The following AMN1 variants were observed in gnomAD, a reference collection of about 807,000 sequenced individuals.
AMN1 encodes antagonist of mitotic exit network 1 homolog.
Under a neutral mutation model 33.0 loss-of-function variants are expected in AMN1, and 20 were observed. That is an observed-to-expected ratio of 0.61 (90% confidence interval 0.43 to 0.88). The LOEUF (loss-of-function observed/expected upper bound fraction) is 0.88. AMN1 is among the 40% of genes least tolerant of loss of function. AMN1 has a pLI of 0.00. For missense variants in AMN1, 246 were observed against 307.4 expected (o/e 0.80, Z 1.49); for synonymous variants, 114 against 111.9 (o/e 1.02, Z -0.12).
intron 1 of AMN1, among the ~76,000 whole-genome samples, chr12:31,712,081 C>T (rs1253629264): frequency 7.0e-6 from 1 of 142,984 alleles, no homozygotes; most frequent in Admixed American, 6.9e-5. Context: ...TCCTTCCCTA[C>T]CTCCCTCTCT....
At chr12:31,700,474 A>G (rs1208121643) in intron 3 of AMN1, among the ~76,000 whole-genome samples, 1 of 152,240 alleles carries the variant, frequency 6.6e-6, no homozygotes, top group Non-Finnish European at 1.5e-5. Context: ...GACACTGAAC[A>G]ATGCAGTTTG....
At chr12:31,728,703 G>A (rs1940181519) in intron 1 of AMN1, among the ~76,000 whole-genome samples, 1 of 152,218 alleles carries the variant, frequency 6.6e-6, no homozygotes, top group African/African-American at 2.4e-5. Flanking sequence ...CAGCCGGGGC[G>A]CCGAGCTGTC....
intron 1 of AMN1, among the ~76,000 whole-genome samples, chr12:31,717,098 C>T (rs927181966): frequency 1.3e-5 from 2 of 151,958 alleles, no homozygotes; most frequent in African/African-American, 4.8e-5. Context: ...CTGATGCTAT[C>T]CTTTCCCTTG....
rs141934566 is a variant in AMN1, at chr12:31,674,452, G to A, written c.704-2075C>T. Among the ~76,000 whole-genome samples, 77 of 150,870 alleles carry A rather than the reference G, an allele frequency of 5.1e-4. No homozygotes were observed. In the East Asian group the frequency reaches 0.011, roughly 22 times the overall value. Reference sequence around the variant, plus strand: ...CATCATTGAGCACAGTCCTTCTCAAGCTGCCATCTCTATGGTCCTCTCTCC... The same window carrying A: ...CATCATTGAGCACAGTCCTTCTCAAACTGCCATCTCTATGGTCCTCTCTCC... On this transcript the variant is annotated intron_variant, in intron 6 of 6. Transcript: ENST00000281471.
At chr12:31,677,266 C>G (rs1312491782) in intron 6 of AMN1, among the ~76,000 whole-genome samples, 1 of 152,162 alleles carries the variant, frequency 6.6e-6, no homozygotes. Context: ...CGCCACTGCA[C>G]TCCAGCCTGG....
intron 6 of AMN1, among the ~76,000 whole-genome samples, chr12:31,674,265 G>A (rs756582506): frequency 1.3e-5 from 2 of 151,996 alleles, no homozygotes; most frequent in Non-Finnish European, 1.5e-5. Context: ...AAAATTAGCC[G>A]AGCACTGTGG....
At position 31,683,111 on chromosome 12, in the gene AMN1, C is replaced by T. The variant is rs764792736; in HGVS notation, c.703+5896G>A. ...CAGAGTAGCTGGGATTACAGGCGTGCGCCACCATGCCCAGCTAATTTTTGT... is the reference window on the plus strand; with the variant it reads ...CAGAGTAGCTGGGATTACAGGCGTGTGCCACCATGCCCAGCTAATTTTTGT... On this transcript the variant is annotated intron_variant, in intron 6 of 6. Coordinates refer to ENST00000281471, the MANE Select transcript of AMN1 (RefSeq NM_001113402.2). This position sits in a 1 kb window ranked among gnomAD's most constrained non-coding sequence, Gnocchi z 4.1. Among the ~76,000 whole-genome samples, 5 of 151,996 alleles carry T rather than the reference C, an allele frequency of 3.3e-5. No individual in the cohort carries two copies. The highest frequency in any genetic ancestry group is 1.9e-4 in the East Asian group (1 of 5,190).
intron 5 of AMN1, among the ~76,000 whole-genome samples, chr12:31,690,032 A>G (rs1938435059): frequency 6.6e-6 from 1 of 152,126 alleles, no homozygotes. Context: ...TTCCTGAGTT[A>G]CTTCACTTAG....
intron 3 of AMN1, among the ~76,000 whole-genome samples, chr12:31,698,880 C>T (rs902837607): frequency 1.3e-5 from 2 of 151,996 alleles, no homozygotes; most frequent in African/African-American, 4.8e-5. Context: ...CCTGAGTGAC[C>T]GGAGTGCCTT....
intron 3 of AMN1, among the ~76,000 whole-genome samples, chr12:31,701,491 G>A (rs1031069142): frequency 6.6e-6 from 1 of 152,030 alleles, no homozygotes; most frequent in Non-Finnish European, 1.5e-5. Flanking sequence ...GATGAGGTAG[G>A]GGTCGGGGGC....
intron 6 of AMN1, among the ~76,000 whole-genome samples, chr12:31,674,746 C>T (rs1293410394): frequency 1.3e-5 from 2 of 151,948 alleles, no homozygotes; most frequent in Non-Finnish European, 2.9e-5. Flanking sequence ...TGGCTGGGTA[C>T]GGTGGCTCAT....
chr12:31,675,640 G>A (rs969074037), intron 6 of AMN1, among the ~76,000 whole-genome samples: 11 of 151,392 alleles, frequency 7.3e-5, no homozygotes, highest in East Asian at 3.9e-4. Flanking sequence ...GATTACAGGC[G>A]CCCGCAACCA....
chr12:31,697,178 G>C (rs1001763888), intron 5 of AMN1, among the ~76,000 whole-genome samples, 183 bp downstream of exon 5: 1 of 152,030 alleles, frequency 6.6e-6, no homozygotes, highest in Non-Finnish European at 1.5e-5. Context: ...TTATTTTAAA[G>C]CACCTTTATT....
chr12:31,697,836 G>T lies in AMN1; in HGVS notation c.438C>A (p.Ile146=). 1 of 1,613,950 alleles carries T rather than the reference G, an allele frequency of 6.2e-7. No individual in the cohort carries two copies. The highest frequency in any genetic ancestry group is 2.2e-5 in the East Asian group (1 of 44,870). Residue 146 remains isoleucine, a synonymous_variant, in exon 4 of 7, where the codon ATC becomes ATA. Coordinates refer to ENST00000281471, the MANE Select transcript of AMN1 (RefSeq NM_001113402.2). ...TAATACTTAAGCAGCCACCTAAATC[G>T]ATGATCTTTAGCAGCTGGCAATTGA... The part of the protein sequence containing the change: ...LALNCQLLKI[I]DLGGCLSITD...
chr12:31,697,539 G>T, intron 4 of AMN1, 122 bp from the exon 5 acceptor site: 3 of 1,093,830 alleles, frequency 2.7e-6, no homozygotes, highest in Non-Finnish European at 4.1e-6. Context: ...ATGTGTTTTA[G>T]CCATATATAC....
At chr12:31,676,031 ATG>A (rs1171755668) in intron 6 of AMN1, among the ~76,000 whole-genome samples, 1 of 151,888 alleles carries the variant, frequency 6.6e-6, no homozygotes, top group African/African-American at 2.4e-5. Context: ...TAAAAATCAA[ATG>A]TATTTCTATA....
intron 1 of AMN1, chr12:31,715,284 T>G: frequency 5.4e-6 from 1 of 183,828 alleles, no homozygotes; most frequent in South Asian, 1.3e-4. Flanking sequence ...CACTGGCCAG[T>G]ATAGTCTGAA....
intron 6 of AMN1, among the ~76,000 whole-genome samples, chr12:31,688,620 C>A (rs543542713): frequency 6.6e-6 from 1 of 152,160 alleles, no homozygotes; most frequent in Admixed American, 6.6e-5. Context: ...CCAGCCTGGG[C>A]AACACGGGGA....
intron 2 of AMN1, 33 bp from the exon 3 acceptor site, chr12:31,702,040 T>G: frequency 6.6e-7 from 1 of 1,509,392 alleles, no homozygotes; most frequent in Non-Finnish European, 8.9e-7. Context: ...AAAAAATTAT[T>G]TCTTTCTATA....
Sources: gnomAD v4.1 joint callset for allele counts (sites outside exome capture counted in the v4.1 genomes callset) on GRCh38, gnomAD v4.1.1 for gene constraint, Gnocchi (gnomAD v3.1) non-coding constraint, MANE v1.5 for transcripts, NCBI Gene and HGNC (gene_info 2026-07-23, HGNC 2026-07-21) for gene names.